DPP10: variants seen among roughly 807,000 people sequenced by gnomAD.
DPP10 encodes the protein dipeptidyl peptidase like 10.
DPP10 carries 33 observed loss-of-function variants against 120.9 expected under a neutral mutation model. The observed-to-expected ratio is 0.27, with a 90% CI of 0.21 to 0.37. DPP10 has a LOEUF of 0.37. Among genes scored for constraint, DPP10 ranks in the 10% least tolerant of loss-of-function variants. The pLI, the probability that DPP10 is intolerant of heterozygous loss-of-function variation, is 1.00. For missense variants in DPP10, 816 were observed against 942.8 expected, an observed-to-expected ratio of 0.87 and a Z score of 1.76; for synonymous variants, 337 against 326.1, an observed-to-expected ratio of 1.03 and a Z score of -0.36.
intron 5 of DPP10, among the ~76,000 whole-genome samples, chr2:115,655,581 T>C (rs1315168000): frequency 2.0e-5 from 3 of 151,668 alleles, no homozygotes; most frequent in African/African-American, 7.2e-5. Context: ...ATTATTTGAT[T>C]GGTTTGGATA....
intron 3 of DPP10, among the ~76,000 whole-genome samples, chr2:115,417,331 C>A (rs921960432): frequency 6.6e-6 from 1 of 151,878 alleles, no homozygotes; most frequent in African/African-American, 2.4e-5. Context: ...AAAATGATGT[C>A]GACTTCTTTC....
At chr2:115,438,456 CAGT>C in intron 3 of DPP10, among the ~76,000 whole-genome samples, 1 of 152,238 alleles carries the variant, frequency 6.6e-6, no homozygotes, top group Middle Eastern at 3.4e-3. Context: ...ACATTACTCT[CAGT>C]AGCCCCCCAC....
chr2:114,526,401 T>G (rs530657251), intron 1 of DPP10, among the ~76,000 whole-genome samples: 14 of 152,350 alleles, frequency 9.2e-5, no homozygotes, highest in African/African-American at 3.4e-4. Context: ...GTTTCTCATT[T>G]TACAATATCT....
At chr2:115,430,024 G>A (rs2070829591) in intron 3 of DPP10, among the ~76,000 whole-genome samples, 1 of 152,162 alleles carries the variant, frequency 6.6e-6, no homozygotes, top group Admixed American at 6.6e-5. Context: ...AAAGAGCAGG[G>A]ACACAGGTTC....
intron 1 of DPP10, among the ~76,000 whole-genome samples, chr2:114,856,861 A>G (rs548667272): frequency 1.2e-4 from 19 of 152,328 alleles, no homozygotes; most frequent in African/African-American, 4.6e-4. Context: ...TCAAAGTTCA[A>G]AACTCAGTGG....
chr2:115,105,422 TGAGA>T (rs10565038), intron 1 of DPP10, among the ~76,000 whole-genome samples: 38,356 of 146,022 alleles, frequency 0.26, 5,070 homozygotes, highest in Non-Finnish European at 0.31. Flanking sequence ...TGTCACATGG[TGAGA>T]GAGAGAGAGA....
chr2:114,726,716 C>T (rs1702072646), intron 1 of DPP10, among the ~76,000 whole-genome samples: 1 of 152,072 alleles, frequency 6.6e-6, no homozygotes, highest in Admixed American at 6.5e-5. Flanking sequence ...TGTCAATAGC[C>T]ATGTTTTAAC....
chr2:114,544,339 C>A (rs1182475662), intron 1 of DPP10, among the ~76,000 whole-genome samples: 1 of 152,174 alleles, frequency 6.6e-6, no homozygotes, highest in Non-Finnish European at 1.5e-5. Context: ...GACATAGAAG[C>A]TTTTGTTCAT....
chr2:115,244,803 G>A (rs575911307), intron 1 of DPP10, among the ~76,000 whole-genome samples: 25 of 149,098 alleles, frequency 1.7e-4, no homozygotes, highest in African/African-American at 5.8e-4. Context: ...GTGTGTGTGT[G>A]TATATACATG....
At chr2:115,767,209 C>T (rs1680868953) in intron 12 of DPP10, among the ~76,000 whole-genome samples, 1 of 151,956 alleles carries the variant, frequency 6.6e-6, no homozygotes, top group Admixed American at 6.6e-5. Context: ...AGCCCTGGAG[C>T]AGGATCATGC....
chr2:115,525,465 T>C (rs938136017), intron 4 of DPP10, among the ~76,000 whole-genome samples: 1 of 152,058 alleles, frequency 6.6e-6, no homozygotes, highest in Non-Finnish European at 1.5e-5. Flanking sequence ...TAGTATCTTT[T>C]TAAATATAAA....
intron 21 of DPP10, among the ~76,000 whole-genome samples, chr2:115,834,101 G>A (rs537550295): frequency 1.2e-4 from 19 of 152,162 alleles, no homozygotes; most frequent in Admixed American, 2.6e-4. Flanking sequence ...GTTACTAATC[G>A]TTAAAGCTTT....
chr2:115,781,361 G>A (rs975626760), intron 16 of DPP10, among the ~76,000 whole-genome samples: 1 of 151,860 alleles, frequency 6.6e-6, no homozygotes, highest in South Asian at 2.1e-4. Context: ...CAATGCTTTG[G>A]TTGTTAAGAG....
intron 15 of DPP10, among the ~76,000 whole-genome samples, chr2:115,778,734 C>A (rs1682413343): frequency 6.6e-6 from 1 of 152,080 alleles, no homozygotes; most frequent in Non-Finnish European, 1.5e-5. Context: ...ACTTCCTCTG[C>A]ATCACCCCCA....
chr2:114,998,644 A>C (rs1701247073), intron 1 of DPP10, among the ~76,000 whole-genome samples: 1 of 152,134 alleles, frequency 6.6e-6, no homozygotes, highest in Non-Finnish European at 1.5e-5. Flanking sequence ...ACTCTAACTG[A>C]GTAATTTGGG....
At chr2:114,769,421 T>C (rs1459596501) in intron 1 of DPP10, among the ~76,000 whole-genome samples, 1 of 152,034 alleles carries the variant, frequency 6.6e-6, no homozygotes, top group African/African-American at 2.4e-5. Context: ...AATAAAACCC[T>C]CAAATCCTCC....
chr2:115,432,572 T>C (rs2071089757), intron 3 of DPP10, among the ~76,000 whole-genome samples: 1 of 151,906 alleles, frequency 6.6e-6, no homozygotes, highest in South Asian at 2.1e-4. Flanking sequence ...ATACACAAAA[T>C]GATTGGTTAA....
At chr2:115,370,351 A>C (rs1403484868) in intron 3 of DPP10, among the ~76,000 whole-genome samples, 1 of 152,080 alleles carries the variant, frequency 6.6e-6, no homozygotes. Context: ...GTAATTGATC[A>C]TATTAGGATG....
chr2:115,329,349 C>A (rs2062563716), intron 2 of DPP10, among the ~76,000 whole-genome samples: 1 of 151,964 alleles, frequency 6.6e-6, no homozygotes, highest in African/African-American at 2.4e-5. Context: ...GGATGATTGT[C>A]TGACCCAGGA....
Sources: gnomAD v4.1 joint callset for allele counts (sites outside exome capture counted in the v4.1 genomes callset) on GRCh38, gnomAD v4.1.1 for gene constraint, MANE v1.5 for transcripts, NCBI Gene and HGNC (gene_info 2026-07-23, HGNC 2026-07-21) for gene names.